The following RYR2 variants were observed in gnomAD, a reference collection of about 807,000 sequenced individuals.
RYR2 encodes cardiac muscle ryanodine receptor-calcium release channel.
Under a neutral mutation model 601.1 loss-of-function variants are expected in RYR2, and 227 were observed. That is an observed-to-expected ratio of 0.38 (90% CI 0.34 to 0.42). RYR2 has a LOEUF of 0.42. RYR2 is among the 10% of genes least tolerant of loss of function. RYR2 has a pLI of 1.00. For missense variants in RYR2, 4,646 were observed against 6,156.5 expected, an observed-to-expected ratio of 0.75 and a Z score of 8.21; for synonymous variants, 2,223 against 2,175.1, an observed-to-expected ratio of 1.02 and a Z score of -0.61.
At chr1:237,230,988 T>C (rs561562553) in intron 1 of RYR2, among the ~76,000 whole-genome samples, 368 of 151,392 alleles carry the variant, frequency 2.4e-3, no homozygotes, top group Non-Finnish European at 3.9e-3. Flanking sequence ...GTATGGTCGC[T>C]TTTTCCTGTG....
chr1:237,339,132 A>T (rs1405561874), intron 3 of RYR2, among the ~76,000 whole-genome samples: 2 of 152,262 alleles, frequency 1.3e-5, no homozygotes, highest in East Asian at 1.9e-4. Context: ...TAAAACTGTG[A>T]CCATACTTTA....
intron 2 of RYR2, among the ~76,000 whole-genome samples, chr1:237,297,043 C>T (rs575104784): frequency 6.6e-6 from 1 of 151,952 alleles, no homozygotes; most frequent in African/African-American, 2.4e-5. Context: ...AAAATAAAAT[C>T]ACAATTTTGG....
chr1:237,389,934 T>C (rs1051965131), intron 10 of RYR2, among the ~76,000 whole-genome samples: 2 of 152,132 alleles, frequency 1.3e-5, no homozygotes, highest in African/African-American at 4.8e-5. Flanking sequence ...TGTTTGTCGA[T>C]TGGGCATGGC....
intron 62 of RYR2, among the ~76,000 whole-genome samples, chr1:237,682,709 A>G (rs147575439): frequency 5.9e-4 from 90 of 152,332 alleles, no homozygotes; most frequent in Middle Eastern, 3.4e-3. Context: ...TAAATGATGC[A>G]TGACTGTATT....
At position 237,801,844 on chromosome 1, in the gene RYR2, TTG is replaced by T; in HGVS notation, c.14091-10_14091-9del. The T allele has an allele frequency of 6.4e-7, 1 of 1,574,262 alleles. No individual in the cohort carries two copies. Among genetic ancestry groups the T allele is most frequent in the South Asian group, 1.1e-5 (1 of 87,608 alleles). On this transcript the variant is annotated splice_polypyrimidine_tract_variant and intron_variant, in intron 97 of 104. Coordinates refer to ENST00000366574, the MANE Select transcript of RYR2 (RefSeq NM_001035.3). The stretch of plus-strand genomic sequence containing the variant: ...GTGCATAACTACGCATTTTTTTTTT[TTG>T]TCATTGCAGACTGAACTCCATTGAT...
intron 6 of RYR2, among the ~76,000 whole-genome samples, chr1:237,373,475 T>C (rs1351575479): frequency 6.6e-6 from 1 of 152,192 alleles, no homozygotes; most frequent in African/African-American, 2.4e-5. Flanking sequence ...TTGCATTATT[T>C]TTCCAGTGAT....
chr1:237,761,703 A>G (rs1693449457), intron 84 of RYR2, among the ~76,000 whole-genome samples: 1 of 152,158 alleles, frequency 6.6e-6, no homozygotes, highest in Non-Finnish European at 1.5e-5. Context: ...TCATTTTAGC[A>G]GTATTTATTA....
At chr1:237,074,676 A>G (rs1664785553) in intron 1 of RYR2, among the ~76,000 whole-genome samples, 1 of 152,232 alleles carries the variant, frequency 6.6e-6, no homozygotes, top group Non-Finnish European at 1.5e-5. Flanking sequence ...GGGATGACTT[A>G]TGCAAACCCA....
chr1:237,302,917 T>G (rs2149459676), intron 2 of RYR2, among the ~76,000 whole-genome samples: 1 of 152,328 alleles, frequency 6.6e-6, no homozygotes, highest in African/African-American at 2.4e-5. Context: ...ATATTGCCCT[T>G]CAGAATAGTT....
intron 1 of RYR2, among the ~76,000 whole-genome samples, chr1:237,050,766 G>C (rs545134778): frequency 7.8e-4 from 119 of 152,308 alleles, no homozygotes; most frequent in African/African-American, 2.8e-3. Flanking sequence ...CCTTAGTCTT[G>C]AGTCAATTGG....
chr1:237,747,272 C>G (rs1186599223), intron 80 of RYR2, among the ~76,000 whole-genome samples: 1 of 152,188 alleles, frequency 6.6e-6, no homozygotes, highest in Non-Finnish European at 1.5e-5. Context: ...GATGAATTAT[C>G]TGATGAGTCT....
chr1:237,090,655 A>G (rs1666861659), intron 1 of RYR2, among the ~76,000 whole-genome samples: 1 of 152,262 alleles, frequency 6.6e-6, no homozygotes, highest in Admixed American at 6.5e-5. Context: ...GGAAACTAAT[A>G]TAGGAATATA....
intron 1 of RYR2, among the ~76,000 whole-genome samples, chr1:237,167,135 A>G (rs569590651): frequency 6.6e-6 from 1 of 152,348 alleles, no homozygotes; most frequent in Non-Finnish European, 1.5e-5. Context: ...GATGAAACCG[A>G]CTGCAGAGAT....
chr1:237,247,911 A>C (rs1687020575), intron 1 of RYR2, among the ~76,000 whole-genome samples: 1 of 152,194 alleles, frequency 6.6e-6, no homozygotes, highest in Admixed American at 6.5e-5. Context: ...GTTTCTGTCC[A>C]TGCTGGTACC....
At chr1:237,667,085 T>A (rs931694737) in intron 57 of RYR2, among the ~76,000 whole-genome samples, 1 of 152,214 alleles carries the variant, frequency 6.6e-6, no homozygotes, top group South Asian at 2.1e-4. Flanking sequence ...TCCAGAGACA[T>A]TGATTGCATT....
chr1:237,374,904 G>A (rs889593245), intron 7 of RYR2, 109 bp downstream of exon 7: 245 of 815,242 alleles, frequency 3.0e-4, no homozygotes, highest in Non-Finnish European at 4.2e-4. Flanking sequence ...TATGGATGGA[G>A]TCAGGAAAGA....
intron 2 of RYR2, among the ~76,000 whole-genome samples, chr1:237,316,877 C>A (rs567681814): frequency 1.3e-5 from 2 of 152,266 alleles, no homozygotes; most frequent in African/African-American, 4.8e-5. Context: ...TCTGTGTGGA[C>A]TTCCTGGATG....
chr1:237,207,303 C>T (rs140527383), intron 1 of RYR2, among the ~76,000 whole-genome samples: 226 of 152,244 alleles, frequency 1.5e-3, no homozygotes, highest in Non-Finnish European at 2.4e-3. Context: ...CGGCGGCTCA[C>T]GCCTATAATC....
intron 26 of RYR2, 137 bp from the exon 27 acceptor site, chr1:237,550,407 G>T: frequency 1.1e-6 from 1 of 890,102 alleles, no homozygotes; most frequent in Non-Finnish European, 1.7e-6. Context: ...TGGTAACTTT[G>T]CAGCCTGGGA....
Sources: gnomAD v4.1 joint callset for allele counts (sites outside exome capture counted in the v4.1 genomes callset) on GRCh38, gnomAD v4.1.1 for gene constraint, MANE v1.5 for transcripts, NCBI Gene and HGNC (gene_info 2026-07-23, HGNC 2026-07-21) for gene names.